KCNJ2: variants seen among roughly 807,000 people sequenced by gnomAD.
KCNJ2 encodes the protein inward rectifier potassium channel 2.
KCNJ2 carries 12 observed loss-of-function variants against 28.4 expected under a neutral mutation model. The ratio of observed to expected loss-of-function variants is 0.42; its 90% CI spans 0.27 to 0.68. The LOEUF is 0.68. Among genes scored for constraint, KCNJ2 ranks in the 30% least tolerant of loss-of-function variants. KCNJ2 has a pLI of 0.23. For synonymous variants in KCNJ2, 200 were observed against 203.2 expected, an observed-to-expected ratio of 0.98 and a Z score of 0.13; for missense variants, 320 against 551.3, an observed-to-expected ratio of 0.58 and a Z score of 4.20.
intron 1 of KCNJ2, among the ~76,000 whole-genome samples, chr17:70,171,318 G>A (rs576436435): frequency 2.0e-5 from 3 of 149,414 alleles, no homozygotes; most frequent in African/African-American, 7.4e-5. Context: ...TGCTTTCCTA[G>A]CAGTTGTGCT....
rs2074410116 is a variant in KCNJ2, at chr17:70,178,753, GA to G, written c.*2434del. 1 of 166,684 alleles carries G rather than the reference GA, an allele frequency of 6.0e-6. No individual in the cohort carries two copies. The highest frequency in any genetic ancestry group is 1.5e-5 in the Non-Finnish European group (1 of 68,074). 10.3% of individuals were successfully genotyped at this position (166,684 alleles called of 1,614,324 possible). A position where few individuals can be genotyped will look rare whatever the true frequency, so the allele number is the denominator to read the frequency against. On this transcript the variant is annotated 3_prime_UTR_variant, in exon 2 of 2. Transcript: ENST00000243457. ...CTGGTGCACAGGTTTGTTTTTTCAA[GA>G]AAATTTTGCAGAAGCTATGTTTTTA... is the stretch of plus-strand genomic sequence containing the variant.
intron 1 of KCNJ2, among the ~76,000 whole-genome samples, chr17:70,170,681 T>A (rs755557336): frequency 3.3e-5 from 5 of 152,264 alleles, no homozygotes; most frequent in Non-Finnish European, 7.3e-5. Context: ...GGCTGCCAGA[T>A]TTCCTCTCGC....
At chr17:70,170,878 C>T (rs905069643) in intron 1 of KCNJ2, among the ~76,000 whole-genome samples, 15 of 152,132 alleles carry the variant, frequency 9.9e-5, no homozygotes, top group Non-Finnish European at 2.2e-4. Flanking sequence ...TACTTAGCTT[C>T]CTCCTCTCTC....
intron 1 of KCNJ2, among the ~76,000 whole-genome samples, chr17:70,173,436 A>G (rs2074375196): frequency 6.6e-6 from 1 of 152,228 alleles, no homozygotes; most frequent in Non-Finnish European, 1.5e-5. Flanking sequence ...ATTTGGTTGT[A>G]TGAAAAGTTG....
Position 70,176,058 on chromosome 17 carries a change from A to AC in KCNJ2, c.1020dup (p.Tyr341LeufsTer17). 1 of 1,614,142 alleles carries AC rather than the reference A, an allele frequency of 6.2e-7. No individual in the cohort carries two copies. Among genetic ancestry groups the AC allele is most frequent in the Non-Finnish European group, 8.5e-7 (1 of 1,180,024 alleles). The stretch of plus-strand genomic sequence containing the variant: ...GAAGAGAAGCACTACTACAAAGTGG[A>AC]CTATTCCAGGTTCCACAAAACTTAC... On this transcript the variant is annotated frameshift_variant, in exon 2 of 2. Transcript: ENST00000243457. LOFTEE classifies it high-confidence loss of function.
chr17:70,179,690 T>C lies in KCNJ2; in HGVS notation c.*3367T>C, dbSNP rs3815306. The C allele has an allele frequency of 6.0e-6, 1 of 166,690 alleles. No homozygotes were observed. Among genetic ancestry groups the C allele is most frequent in the African/African-American group, 2.4e-5 (1 of 41,566 alleles). The allele number at this position is 166,690 out of a possible 1,614,324, so 10.3% of individuals were successfully genotyped here. ...TTAATAAATGTCACTTCATATTTTATAATAAACCACTCAGTAAAAGCAAAA... is the reference window on the plus strand; with the variant it reads ...TTAATAAATGTCACTTCATATTTTACAATAAACCACTCAGTAAAAGCAAAA... On this transcript the variant is annotated 3_prime_UTR_variant, in exon 2 of 2. Transcript: ENST00000243457.
Position 70,175,666 on chromosome 17 carries a change from T to C in KCNJ2, c.627T>C (p.Cys209=). The C allele has an allele frequency of 6.2e-7, 1 of 1,614,206 alleles. No individual in the cohort carries two copies. Among genetic ancestry groups the C allele is most frequent in the Non-Finnish European group, 8.5e-7 (1 of 1,180,040 alleles). ...TTGCCATGAGAGACGGCAAGCTGTG[T>C]TTGATGTGGCGAGTGGGCAATCTTC... ...AVIAMRDGKL[C]LMWRVGNLRK... Residue 209 remains cysteine (C), a synonymous_variant, in exon 2 of 2, where the codon TGT becomes TGC. Transcript: ENST00000243457. The surrounding 1 kb of genome is among the most constrained non-coding windows in gnomAD (Gnocchi z 8.3).
At chr17:70,173,041 G>C (rs2074373269) in intron 1 of KCNJ2, among the ~76,000 whole-genome samples, 1 of 152,122 alleles carries the variant, frequency 6.6e-6, no homozygotes, top group Admixed American at 6.5e-5. Context: ...TAATTCAAAG[G>C]CACTTTCAAA....
At position 70,176,760 on chromosome 17, in the gene KCNJ2, CT is replaced by C. The variant is rs372559719; in HGVS notation, c.*441del. On this transcript the variant is annotated 3_prime_UTR_variant, in exon 2 of 2. Coordinates refer to ENST00000243457, the MANE Select transcript of KCNJ2 (RefSeq NM_000891.3). The stretch of plus-strand genomic sequence containing the variant: ...GTATTTTTGTTGCAGTGTAGTTTTC[CT>C]TTTGTGTAATTTTAAAGTCAGTGTT... 3 of 196,046 alleles carry C rather than the reference CT, an allele frequency of 1.5e-5. No homozygotes were observed. The South Asian group carries it at 3.4e-4, about 22-fold the overall frequency. 12.1% of individuals were successfully genotyped at this position (196,046 alleles called of 1,614,324 possible). A position where few individuals can be genotyped will look rare whatever the true frequency, so the allele number is the denominator to read the frequency against.
chr17:70,174,168 A>T (rs1731979392), intron 1 of KCNJ2, among the ~76,000 whole-genome samples: 1 of 152,152 alleles, frequency 6.6e-6, no homozygotes, highest in African/African-American at 2.4e-5. Context: ...CTCTATTTTC[A>T]GGATACACAC....
chr17:70,170,163 G>T (rs1054955080), intron 1 of KCNJ2, among the ~76,000 whole-genome samples: 1 of 146,662 alleles, frequency 6.8e-6, no homozygotes, highest in Non-Finnish European at 1.5e-5. Context: ...TTGATCCTTG[G>T]CTTTTTTTTT....
intron 1 of KCNJ2, among the ~76,000 whole-genome samples, chr17:70,173,839 G>T (rs1567822478): frequency 6.6e-6 from 1 of 152,122 alleles, no homozygotes; most frequent in Non-Finnish European, 1.5e-5. Flanking sequence ...TAAAGACCTG[G>T]TCCTTTGGCA....
rs958572141 is a variant in KCNJ2 at position 70,177,231 on chromosome 17, A to T, written c.*908A>T. ...TCTAGTCAGTGTAGTGCTTTTAAAA[A>T]TTTTGTCCTTTCATGTAACTTTTTT... is the stretch of plus-strand genomic sequence containing the variant. On this transcript the variant is annotated 3_prime_UTR_variant, in exon 2 of 2. Transcript: ENST00000243457. 9.0e-5 allele frequency: 15 copies of T among 167,042 alleles called. No individual in the cohort carries two copies. The highest frequency in any genetic ancestry group is 3.1e-3 in the Middle Eastern group (1 of 318). 10.3% of individuals were successfully genotyped at this position (167,042 alleles called of 1,614,324 possible).
Position 70,178,083 on chromosome 17 carries a change from A to T in KCNJ2, c.*1760A>T, listed in dbSNP as rs2074406200. The T allele has an allele frequency of 7.0e-6, 1 of 143,288 alleles. No individual in the cohort carries two copies. 8.9% of individuals were successfully genotyped at this position (143,288 alleles called of 1,614,324 possible). Reference sequence around the variant, plus strand: ...CTATTTGTGAATTCTGGGATTACTGACTTTTCTTTTTAATTGGAGTCTCAA... The same window carrying T: ...CTATTTGTGAATTCTGGGATTACTGTCTTTTCTTTTTAATTGGAGTCTCAA... On this transcript the variant is annotated 3_prime_UTR_variant, in exon 2 of 2. Coordinates refer to ENST00000243457, the MANE Select transcript of KCNJ2 (RefSeq NM_000891.3).
At chr17:70,170,386 C>G (rs1195459146) in intron 1 of KCNJ2, among the ~76,000 whole-genome samples, 1 of 150,404 alleles carries the variant, frequency 6.6e-6, no homozygotes, top group African/African-American at 2.4e-5. Context: ...TTTAGGAAAG[C>G]AAAATAGTCA....
rs2074414531 is a variant in KCNJ2 at position 70,179,325 on chromosome 17, A to C, written c.*3002A>C. 6.0e-6 allele frequency: 1 copy of C among 166,704 alleles called. No homozygotes were observed. Among genetic ancestry groups the C allele is most frequent in the African/African-American group, 2.4e-5 (1 of 41,370 alleles). 10.3% of individuals were successfully genotyped at this position (166,704 alleles called of 1,614,324 possible). On this transcript the variant is annotated 3_prime_UTR_variant, in exon 2 of 2. Transcript: ENST00000243457. ...ACTTCGGATTTATTCCCTTTTAAAG[A>C]ATTTTTGCCCATATCTGGAAGGGCA...
intron 1 of KCNJ2, among the ~76,000 whole-genome samples, chr17:70,174,042 G>A (rs2074378478): frequency 6.6e-6 from 1 of 152,226 alleles, no homozygotes; most frequent in Admixed American, 6.5e-5. Context: ...GTTGCTTAAA[G>A]TGTGAGAAGT....
intron 1 of KCNJ2, among the ~76,000 whole-genome samples, 182 bp downstream of exon 1, chr17:70,169,883 A>C (rs1212806448): frequency 2.0e-5 from 3 of 152,146 alleles, no homozygotes; most frequent in Non-Finnish European, 4.4e-5. Context: ...TTGTGTGCGC[A>C]CCAGAACATC....
chr17:70,176,000 C>T lies in KCNJ2; in HGVS notation c.961C>T (p.Leu321=). The T allele has an allele frequency of 6.2e-7, 1 of 1,614,080 alleles. No homozygotes were observed. Among genetic ancestry groups the T allele is most frequent in the Non-Finnish European group, 8.5e-7 (1 of 1,179,996 alleles). The stretch of plus-strand genomic sequence containing the variant: ...TAGCTCTTATCTAGCAAATGAAATC[C>T]TGTGGGGCCACCGCTATGAGCCTGT... ...CRSSYLANEI[L]WGHRYEPVLF... is the part of the protein sequence containing the mutation. The change falls in exon 2 of 2, where the codon CTG becomes TTG. Residue 321 remains leucine, a synonymous_variant. Transcript: ENST00000243457. This position sits in a 1 kb window ranked among gnomAD's most constrained non-coding sequence, Gnocchi z 8.3.
Sources: allele counts gnomAD v4.1 joint callset (sites outside exome capture counted in the v4.1 genomes callset), GRCh38; gene constraint gnomAD v4.1.1; non-coding constraint Gnocchi (gnomAD v3.1); transcripts MANE v1.5; gene names NCBI Gene and HGNC (gene_info 2026-07-23, HGNC 2026-07-21).